The following WRNIP1 variants were observed in gnomAD, a reference collection of about 807,000 sequenced individuals.
The protein encoded by WRNIP1 is WRN helicase interacting protein 1.
In WRNIP1, 41 loss-of-function variants were observed where a neutral mutation model predicts 56.1. The observed-to-expected ratio is 0.73, with a 90% CI of 0.57 to 0.95. The LOEUF (loss-of-function observed/expected upper bound fraction) is 0.95. WRNIP1 is among the 40% of genes least tolerant of loss of function. The pLI, the probability that WRNIP1 is intolerant of heterozygous loss-of-function variation, is 0.00. For missense variants in WRNIP1, 1,170 were observed against 939.4 expected (o/e 1.25, Z -3.21); for synonymous variants, 547 against 398.1 (o/e 1.37, Z -4.45).
chr6:2,765,894 G>T lies in WRNIP1; in HGVS notation c.272G>T (p.Ser91Ile). Residue 91 changes from serine (S) to isoleucine (I), a missense_variant, in exon 1 of 7, where the codon AGC becomes ATC. Transcript: ENST00000380773. ...CCAGCCACCCCGACGGCAGCCGAGAGCAGCGAGGGCGAGGGTGAGGAGGGC... is the reference window on the plus strand; with the variant it reads ...CCAGCCACCCCGACGGCAGCCGAGATCAGCGAGGGCGAGGGTGAGGAGGGC... ...KQPATPTAAE[S>I]SEGEGEEGDD... 6.9e-7 allele frequency: 1 copy of T among 1,454,996 alleles called. No individual in the cohort carries two copies. The highest frequency in any genetic ancestry group is 9.0e-7 in the Non-Finnish European group (1 of 1,105,518). 90.1% of individuals were successfully genotyped at this position (1,454,996 alleles called of 1,614,324 possible). A position where few individuals can be genotyped will look rare whatever the true frequency, so the allele number is the denominator to read the frequency against.
In WRNIP1 at chr6:2,765,511, G is replaced by C. The variant is rs1258152113; in HGVS notation, c.-112G>C. 1 of 1,268,250 alleles carries C rather than the reference G, an allele frequency of 7.9e-7. No individual in the cohort carries two copies. Among genetic ancestry groups the C allele is most frequent in the Admixed American group, 4.4e-5 (1 of 22,960 alleles). 78.6% of individuals were successfully genotyped at this position (1,268,250 alleles called of 1,614,324 possible). A position where few individuals can be genotyped will look rare whatever the true frequency, so the allele number is the denominator to read the frequency against. On this transcript the variant is annotated 5_prime_UTR_variant, in exon 1 of 7. Coordinates refer to ENST00000380773, the MANE Select transcript of WRNIP1 (RefSeq NM_020135.3). ...CCTCCGGCCCGCGAGCGTCCTGCTGGTTCCCCGAGCGAGGGTCTCGCGGCG... is the reference window on the plus strand; with the variant it reads ...CCTCCGGCCCGCGAGCGTCCTGCTGCTTCCCCGAGCGAGGGTCTCGCGGCG...
At chr6:2,777,340 A>C (rs1385085738) in intron 3 of WRNIP1, among the ~76,000 whole-genome samples, 1 of 142,544 alleles carries the variant, frequency 7.0e-6, no homozygotes, top group African/African-American at 2.5e-5. Flanking sequence ...AGGGATGATG[A>C]ATGTAATGTA....
chr6:2,775,878 ATTGTTT>A (rs1473256672), intron 3 of WRNIP1, among the ~76,000 whole-genome samples: 1 of 152,100 alleles, frequency 6.6e-6, no homozygotes, highest in Non-Finnish European at 1.5e-5. Flanking sequence ...TTTACTTCCT[ATTGTTT>A]ATTTCCATGT....
chr6:2,777,088 A>C (rs903090538), intron 3 of WRNIP1, among the ~76,000 whole-genome samples: 3 of 143,880 alleles, frequency 2.1e-5, no homozygotes, highest in Non-Finnish European at 3.1e-5. Flanking sequence ...AGCACTTGGC[A>C]CAGTAGCTTT....
In WRNIP1 at chr6:2,785,114, A is replaced by G. The variant is rs147646411; in HGVS notation, c.1830A>G (p.Pro610=). 315 of 1,614,204 alleles carry G rather than the reference A, an allele frequency of 2.0e-4. No individual in the cohort carries two copies. The African/African-American group carries it at 3.9e-3, about 20-fold the overall frequency. The change falls in exon 7 of 7, where the codon CCA becomes CCG. Residue 610 remains proline, a synonymous_variant. Coordinates refer to ENST00000380773, the MANE Select transcript of WRNIP1 (RefSeq NM_020135.3). ...CCTGCCTGAGGAACCACCAGGGGCC[A>G]CTGCCCCCCGTGCCCCTGCACCTGA... The part of the protein sequence containing the change: ...VKACLRNHQG[P]LPPVPLHLRN...
rs1247104563 is a variant in WRNIP1 at position 2,783,414 on chromosome 6, C to T, written c.1495C>T (p.His499Tyr). ...HILYDRAGEE[H>Y]YNCISALHKS... ...GCTCTTTGTGATGTCAGGTGAGGAG[C>T]ATTACAACTGCATCTCCGCCCTGCA... The change falls in exon 5 of 7, where the codon CAT (histidine) becomes TAT (tyrosine). Residue 499 changes from histidine to tyrosine, a missense_variant. By Grantham distance (83) the His-to-Tyr change is moderately conservative. Transcript: ENST00000380773. 1.2e-6 allele frequency: 2 copies of T among 1,601,788 alleles called. No individual in the cohort carries two copies. Among genetic ancestry groups the T allele is most frequent in the East Asian group, 2.3e-5 (1 of 44,168 alleles).
intron 3 of WRNIP1, among the ~76,000 whole-genome samples, chr6:2,771,291 T>C (rs1765270037): frequency 6.6e-6 from 1 of 152,242 alleles, no homozygotes; most frequent in South Asian, 2.1e-4. Context: ...TGGCCCCATT[T>C]GCTCCTGTCT....
rs1027744080 is a variant in WRNIP1 at position 2,773,196 on chromosome 6, T to A, written c.1256+2835T>A. Reference sequence around the variant, plus strand: ...TAAGTGTTCTTTTTTTAAAAAAAAATTCCCTCCTGTAGTTATTATTCAGTC... The same window carrying A: ...TAAGTGTTCTTTTTTTAAAAAAAAAATCCCTCCTGTAGTTATTATTCAGTC... On this transcript the variant is annotated intron_variant, in intron 3 of 6. Transcript: ENST00000380773. 1.3e-5 allele frequency: 13 copies of A among 985,242 alleles called. No individual in the cohort carries two copies. In the African/African-American group the frequency reaches 1.4e-4, roughly 11 times the overall value. 61.0% of individuals were successfully genotyped at this position (985,242 alleles called of 1,614,324 possible).
At chr6:2,768,062 G>T (rs554898083) in intron 1 of WRNIP1, among the ~76,000 whole-genome samples, 16 of 152,236 alleles carry the variant, frequency 1.1e-4, no homozygotes, top group South Asian at 8.3e-4. Context: ...CATATTTGTT[G>T]AGGACCCAAG....
intron 4 of WRNIP1, among the ~76,000 whole-genome samples, chr6:2,780,034 T>C (rs556801455): frequency 6.6e-6 from 1 of 152,252 alleles, no homozygotes; most frequent in Non-Finnish European, 1.5e-5. Context: ...TTTGTAGAAC[T>C]GCATTTACAG....
At chr6:2,777,155 C>A (rs1043787859) in intron 3 of WRNIP1, among the ~76,000 whole-genome samples, 1 of 152,120 alleles carries the variant, frequency 6.6e-6, no homozygotes, top group African/African-American at 2.4e-5. Flanking sequence ...AATATGGATT[C>A]TTTTTGTTTT....
chr6:2,784,337 G>A lies in WRNIP1; in HGVS notation c.1656G>A (p.Pro552=), dbSNP rs160703. The change falls in exon 6 of 7, where the codon CCG becomes CCA. Residue 552 remains proline, a synonymous_variant. Transcript: ENST00000380773. ...FASEDIGLAD[P]SALTQAVAAY... ...TGTGTGTGGCAGGTCTGGCAGACCCGTCTGCGTTAACACAAGCGGTTGCTG... is the reference window on the plus strand; with the variant it reads ...TGTGTGTGGCAGGTCTGGCAGACCCATCTGCGTTAACACAAGCGGTTGCTG... 332,546 of 1,612,810 alleles carry A rather than the reference G, an allele frequency of 0.21. 35,993 individuals carry two copies. Among genetic ancestry groups the A allele is most frequent in the East Asian group, 0.28 (12,740 of 44,848 alleles).
chr6:2,765,799 G>A lies in WRNIP1; in HGVS notation c.177G>A (p.Glu59=), dbSNP rs1231256160. The change falls in exon 1 of 7, where the codon GAG becomes GAA. Residue 59 remains glutamate, a synonymous_variant. Transcript: ENST00000380773. ...CGGCCGGGTCGCACCGCGCCGGGGA[G>A]CGGGCCAAGGGGCCCTCGCCGCCCG... ...EPAAGSHRAG[E]RAKGPSPPGA... 6 of 1,406,350 alleles carry A rather than the reference G, an allele frequency of 4.3e-6. No individual in the cohort carries two copies. Among genetic ancestry groups the A allele is most frequent in the Middle Eastern group, 2.5e-4 (1 of 3,948 alleles). The allele number at this position is 1,406,350 out of a possible 1,614,324, so 87.1% of individuals were successfully genotyped here.
chr6:2,766,456 CT>C lies in WRNIP1; in HGVS notation c.822+14del. 1 of 1,515,124 alleles carries C rather than the reference CT, an allele frequency of 6.6e-7. No individual in the cohort carries two copies. Among genetic ancestry groups the C allele is most frequent in the South Asian group, 1.2e-5 (1 of 80,188 alleles). The allele number at this position is 1,515,124 out of a possible 1,614,324, so 93.9% of individuals were successfully genotyped here. A position where few individuals can be genotyped will look rare whatever the true frequency, so the allele number is the denominator to read the frequency against. ...CGGGCTGCGGCAAGGTGAGTGCGGC[CT>C]TGGCCGTTGGGCTTCCGTAGTTATC... On this transcript the variant is annotated intron_variant, in intron 1 of 6. Transcript: ENST00000380773.
Position 2,785,027 on chromosome 6 carries a change from G to A in WRNIP1, c.1743G>A (p.Val581=), listed in dbSNP as rs1765676075. Residue 581 remains valine (V), a synonymous_variant, in exon 7 of 7, where the codon GTG becomes GTA. Coordinates refer to ENST00000380773, the MANE Select transcript of WRNIP1 (RefSeq NM_020135.3). ...PECEVLLAQC[V]VYFARAPKSI... ...GGTAGGTGCTTCTGGCCCAGTGTGT[G>A]GTCTACTTTGCCAGAGCCCCAAAGT... 1 of 1,614,068 alleles carries A rather than the reference G, an allele frequency of 6.2e-7. No homozygotes were observed. The highest frequency in any genetic ancestry group is 1.1e-5 in the South Asian group (1 of 91,074).
intron 2 of WRNIP1, 127 bp downstream of exon 2, chr6:2,769,009 ATCTCCT>A (rs1167569492): frequency 3.5e-6 from 3 of 866,560 alleles, no homozygotes; most frequent in Admixed American, 6.7e-5. Context: ...TTGTGAACCC[ATCTCCT>A]TCAAGCCTAT....
chr6:2,779,635 G>A, intron 4 of WRNIP1, 143 bp downstream of exon 4: 1 of 886,662 alleles, frequency 1.1e-6, no homozygotes, highest in East Asian at 2.6e-5. Flanking sequence ...GGATCTGCAT[G>A]TTGGTATTAA....
In WRNIP1 at chr6:2,768,757, G is replaced by A. The variant is rs1765145374; in HGVS notation, c.889G>A (p.Ala297Thr). 6.2e-7 allele frequency: 1 copy of A among 1,613,866 alleles called. No individual in the cohort carries two copies. The highest frequency in any genetic ancestry group is 8.5e-7 in the Non-Finnish European group (1 of 1,179,874). ...TAGCATAAGGTTTGTGACATTATCT[G>A]CAACAAATGCCAAGACAAATGATGT... The part of the protein sequence containing the change: ...KHSIRFVTLS[A>T]TNAKTNDVRD... The change falls in exon 2 of 7, where the codon GCA (alanine) becomes ACA (threonine). Residue 297 changes from alanine (A) to threonine (T), a missense_variant. Coordinates refer to ENST00000380773, the MANE Select transcript of WRNIP1 (RefSeq NM_020135.3).
chr6:2,781,692 C>T (rs781511366), intron 4 of WRNIP1, among the ~76,000 whole-genome samples: 14 of 152,166 alleles, frequency 9.2e-5, no homozygotes, highest in Non-Finnish European at 1.9e-4. Context: ...CTATAGAAGT[C>T]GTCAGATTTC....
Sources: allele counts gnomAD v4.1 joint callset (sites outside exome capture counted in the v4.1 genomes callset), GRCh38; gene constraint gnomAD v4.1.1; transcripts MANE v1.5; gene names NCBI Gene and HGNC (gene_info 2026-07-23, HGNC 2026-07-21).